DLG2: variants seen among roughly 807,000 people sequenced by gnomAD.
DLG2 encodes the protein discs large MAGUK scaffold protein 2.
Under a neutral mutation model 132.5 loss-of-function variants are expected in DLG2, and 45 were observed. The ratio of observed to expected loss-of-function variants is 0.34; its 90% CI spans 0.27 to 0.44. The LOEUF (loss-of-function observed/expected upper bound fraction) is 0.44. DLG2 is among the 20% of genes least tolerant of loss of function. DLG2 has a pLI of 1.00. For missense variants in DLG2, 1,045 were observed against 1,196.9 expected (o/e 0.87, Z 1.87); for synonymous variants, 424 against 419.6 (o/e 1.01, Z -0.13).
chr11:84,039,348 T>A (rs2095984493), intron 11 of DLG2, among the ~76,000 whole-genome samples: 1 of 148,904 alleles, frequency 6.7e-6, no homozygotes, highest in Admixed American at 6.7e-5. Context: ...TAGGTGTATC[T>A]CCTAATGCTA....
intron 18 of DLG2, among the ~76,000 whole-genome samples, chr11:83,663,997 G>A (rs556478687): frequency 3.9e-5 from 6 of 152,312 alleles, no homozygotes; most frequent in East Asian, 1.9e-4. Flanking sequence ...CTTACTAGAC[G>A]TGAAACATTG....
intron 6 of DLG2, among the ~76,000 whole-genome samples, chr11:84,690,287 A>G (rs2057874117): frequency 6.6e-6 from 1 of 151,946 alleles, no homozygotes; most frequent in East Asian, 1.9e-4. Context: ...CATTCTTACC[A>G]CAAAAAAGAT....
At chr11:84,350,517 C>G (rs180681218) in intron 7 of DLG2, among the ~76,000 whole-genome samples, 15 of 152,230 alleles carry the variant, frequency 9.9e-5, no homozygotes, top group Admixed American at 9.8e-4. Flanking sequence ...TTCAGCTAAC[C>G]ACCATGAAGA....
chr11:83,928,817 A>C (rs1231380736), intron 15 of DLG2, among the ~76,000 whole-genome samples: 1 of 152,200 alleles, frequency 6.6e-6, no homozygotes, highest in Admixed American at 6.5e-5. Flanking sequence ...GTATTTAACA[A>C]AATGCCTGGC....
At chr11:85,209,445 C>CTCTTTT (rs2082109227) in intron 4 of DLG2, among the ~76,000 whole-genome samples, 1 of 74,434 alleles carries the variant, frequency 1.3e-5, no homozygotes, top group Non-Finnish European at 2.4e-5. Flanking sequence ...AGAAATCAGT[C>CTCTTTT]TTTTTTTTTT....
intron 15 of DLG2, among the ~76,000 whole-genome samples, chr11:83,901,364 G>A (rs1299100144): frequency 1.3e-5 from 2 of 152,096 alleles, no homozygotes; most frequent in East Asian, 1.9e-4. Flanking sequence ...GTTTGACTCC[G>A]TGTCCCCAGA....
At chr11:84,760,106 GA>G (rs1441597137) in intron 6 of DLG2, among the ~76,000 whole-genome samples, 1 of 152,116 alleles carries the variant, frequency 6.6e-6, no homozygotes, top group Non-Finnish European at 1.5e-5. Context: ...CTTTAGTTTA[GA>G]AACCTGGGCA....
intron 3 of DLG2, among the ~76,000 whole-genome samples, chr11:85,425,888 T>A (rs1266680837): frequency 6.6e-6 from 1 of 152,122 alleles, no homozygotes; most frequent in African/African-American, 2.4e-5. Context: ...CCTTTCCTAG[T>A]CAAAGAAAGG....
At chr11:83,498,335 T>TAAGA (rs2094261985) in intron 21 of DLG2, among the ~76,000 whole-genome samples, 1 of 152,084 alleles carries the variant, frequency 6.6e-6, no homozygotes. Context: ...TTAGAAAATC[T>TAAGA]TTAGAAGCAT....
chr11:83,937,403 G>C (rs1470186447), intron 14 of DLG2, among the ~76,000 whole-genome samples: 1 of 151,682 alleles, frequency 6.6e-6, no homozygotes, highest in Non-Finnish European at 1.5e-5. Context: ...GCTACTCGGG[G>C]AGGCTGAGGC....
intron 11 of DLG2, among the ~76,000 whole-genome samples, chr11:84,034,583 G>T (rs995324609): frequency 6.6e-6 from 1 of 152,146 alleles, no homozygotes; most frequent in Non-Finnish European, 1.5e-5. Flanking sequence ...GCAGAGGTCA[G>T]TCTTGCCTCA....
At chr11:84,452,956 G>A (rs1022647459) in intron 7 of DLG2, among the ~76,000 whole-genome samples, 1 of 151,342 alleles carries the variant, frequency 6.6e-6, no homozygotes, top group Admixed American at 6.6e-5. Context: ...AAAAAATACA[G>A]AAAAGATAAA....
At chr11:84,629,019 G>A (rs920395005) in intron 6 of DLG2, among the ~76,000 whole-genome samples, 4 of 152,100 alleles carry the variant, frequency 2.6e-5, no homozygotes, top group African/African-American at 7.2e-5. Flanking sequence ...TTCTGCACAC[G>A]GCCAGGTCTC....
At chr11:83,684,245 G>C (rs1032306211) in intron 18 of DLG2, among the ~76,000 whole-genome samples, 1 of 152,014 alleles carries the variant, frequency 6.6e-6, no homozygotes. Context: ...AGCTCCTCCC[G>C]ATCAGAAACT....
intron 6 of DLG2, among the ~76,000 whole-genome samples, chr11:84,937,730 A>G (rs1183504526): frequency 6.6e-6 from 1 of 152,198 alleles, no homozygotes; most frequent in Middle Eastern, 3.2e-3. Context: ...AAATACAGGA[A>G]TTTTGTTTAA....
intron 3 of DLG2, among the ~76,000 whole-genome samples, chr11:85,545,922 TG>T (rs2076291227): frequency 6.6e-6 from 1 of 152,214 alleles, no homozygotes; most frequent in Non-Finnish European, 1.5e-5. Flanking sequence ...TCTATTTTGT[TG>T]AACTTTTCAA....
chr11:83,502,756 G>T lies in DLG2; in HGVS notation c.2194-18528C>A, dbSNP rs186001163. ...TGGGGCTGGCCAAAACCTATAAGCT[G>T]ATTTACCCTTACCTGTGTAAGGAAA... On this transcript the variant is annotated intron_variant, in intron 21 of 27. Coordinates refer to ENST00000376104, the MANE Select transcript of DLG2 (RefSeq NM_001142699.3). Among the ~76,000 whole-genome samples, 23 of 152,118 alleles carry T rather than the reference G, an allele frequency of 1.5e-4. No homozygotes were observed. The East Asian group carries it at 3.7e-3, about 24-fold the overall frequency.
chr11:85,244,979 G>T (rs2076063963), intron 4 of DLG2, among the ~76,000 whole-genome samples: 1 of 151,850 alleles, frequency 6.6e-6, no homozygotes, highest in Non-Finnish European at 1.5e-5. Flanking sequence ...TGGGCAACAT[G>T]GAATCATAGA....
At chr11:85,030,912 G>A (rs2060943315) in intron 6 of DLG2, among the ~76,000 whole-genome samples, 1 of 151,750 alleles carries the variant, frequency 6.6e-6, no homozygotes, top group Admixed American at 6.6e-5. Context: ...TCCTCTGAAT[G>A]AACTTTTAGC....
Sources: gnomAD v4.1 joint callset for allele counts (sites outside exome capture counted in the v4.1 genomes callset) on GRCh38, gnomAD v4.1.1 for gene constraint, MANE v1.5 for transcripts, NCBI Gene and HGNC (gene_info 2026-07-23, HGNC 2026-07-21) for gene names.